Variants in MORC2 observed in about 807,000 individuals in gnomAD.
The protein encoded by MORC2 is ATPase MORC2.
In MORC2, 30 loss-of-function variants were observed where a neutral mutation model predicts 136.0. That is an observed-to-expected ratio of 0.22 (90% CI 0.17 to 0.30). The LOEUF (loss-of-function observed/expected upper bound fraction) is 0.30. Ranked by LOEUF, MORC2 falls within the 10% of genes least tolerant of loss-of-function variation. MORC2 has a pLI of 1.00. For synonymous variants in MORC2, 439 were observed against 487.0 expected (o/e 0.90, Z 1.30); for missense variants, 922 against 1,333.1 (o/e 0.69, Z 4.80).
In MORC2 at chr22:30,938,285, C is replaced by G. The variant is rs1375273949; in HGVS notation, c.1074-80G>C. 23 of 1,536,228 alleles carry G rather than the reference C, an allele frequency of 1.5e-5. No homozygotes were observed. In the East Asian group the frequency reaches 5.1e-4, roughly 34 times the overall value. On this transcript the variant is annotated intron_variant, in intron 12 of 25. Coordinates refer to ENST00000397641, the MANE Select transcript of MORC2 (RefSeq NM_001303256.3). ...GTGTTTAAGATGTGTTAAGCTTAAG[C>G]TTAAACTTGAAACATGTTAAGCCAA...
At chr22:30,961,750 A>G (rs1211753507) in intron 1 of MORC2, among the ~76,000 whole-genome samples, 1 of 152,204 alleles carries the variant, frequency 6.6e-6, no homozygotes, top group African/African-American at 2.4e-5. Flanking sequence ...ACTAATTTTG[A>G]CACCCTCTGC....
Position 30,941,159 on chromosome 22 carries a change from G to A in MORC2, c.824+274C>T, listed in dbSNP as rs527466697. ...AAAGGCCCCTTGGCCCTAAAGCCAAGAGACTCAGACAGCTCACTGAGCCAG... is the reference window on the plus strand; with the variant it reads ...AAAGGCCCCTTGGCCCTAAAGCCAAAAGACTCAGACAGCTCACTGAGCCAG... On this transcript the variant is annotated intron_variant, in intron 9 of 25. Coordinates refer to ENST00000397641, the MANE Select transcript of MORC2 (RefSeq NM_001303256.3). The surrounding 1 kb of genome is among the most constrained non-coding windows in gnomAD (Gnocchi z 4.6). Among the ~76,000 whole-genome samples the A allele has an allele frequency of 2.0e-5, 3 of 152,256 alleles. No individual in the cohort carries two copies. Among genetic ancestry groups the A allele is most frequent in the East Asian group, 3.9e-4 (2 of 5,168 alleles).
chr22:30,959,615 AG>A (rs2041014700), intron 1 of MORC2, among the ~76,000 whole-genome samples: 1 of 152,218 alleles, frequency 6.6e-6, no homozygotes, highest in East Asian at 1.9e-4. Context: ...ATATCAAATT[AG>A]GATGTGTCCA....
At position 30,934,919 on chromosome 22, in the gene MORC2, T is replaced by G; in HGVS notation, c.2055A>C (p.Ala685=). The change falls in exon 19 of 26, where the codon GCA becomes GCC. Residue 685 remains alanine, a synonymous_variant. Transcript: ENST00000397641. The surrounding 1 kb of genome is among the most constrained non-coding windows in gnomAD (Gnocchi z 4.4). ...GCTGCACCAGAGGGGCAGGTCGGGA[T>G]GCAGTCTTGACGAGAGTGTTGGCAG... The part of the protein sequence containing the change: ...RKPANTLVKT[A]SRPAPLVQQL... 2 of 1,614,130 alleles carry G rather than the reference T, an allele frequency of 1.2e-6. No individual in the cohort carries two copies. Among genetic ancestry groups the G allele is most frequent in the Non-Finnish European group, 1.7e-6 (2 of 1,180,026 alleles).
In MORC2 at chr22:30,960,271, A is replaced by G. The variant is rs550551331; in HGVS notation, c.69-1577T>C. On this transcript the variant is annotated intron_variant, in intron 1 of 25. Transcript: ENST00000397641. ...CCTGAGCCACCACACACGGCCTACA[A>G]ATGCAAATTTTGAATTAAACTATCA... Among the ~76,000 whole-genome samples, 16 of 152,298 alleles carry G rather than the reference A, an allele frequency of 1.1e-4. No homozygotes were observed. The South Asian group carries it at 2.7e-3, about 26-fold the overall frequency.
rs9619154 is a variant in MORC2 at position 30,927,797 on chromosome 22, G to A, written c.3030+222C>T. ...GGGTTCTCAAACCAGGTTGTACGTC[G>A]GAATGTCTAAAGGGAAAAAGCCTGG... On this transcript the variant is annotated intron_variant, in intron 25 of 25. Transcript: ENST00000397641. Among the ~76,000 whole-genome samples, 4,054 of 152,272 alleles carry A rather than the reference G, an allele frequency of 0.027. 175 individuals are homozygous for A. Among genetic ancestry groups the A allele is most frequent in the African/African-American group, 0.09 (3,745 of 41,530 alleles).
At chr22:30,950,987 T>G (rs1453164710) in intron 3 of MORC2, among the ~76,000 whole-genome samples, 1 of 152,212 alleles carries the variant, frequency 6.6e-6, no homozygotes, top group Non-Finnish European at 1.5e-5. Context: ...TGTCTATACA[T>G]GACCATCCCT....
rs2041153907 is a variant in MORC2, at chr22:30,967,933, T to C, written c.-44A>G. ...AGCCCTTCACCCGCTAACTGGGAAA[T>C]ATAACCTTATAATGATATCGATTTC... On this transcript the variant is annotated 5_prime_UTR_variant, in exon 1 of 26. The change creates a new upstream start codon in the 5' untranslated region. Coordinates refer to ENST00000397641, the MANE Select transcript of MORC2 (RefSeq NM_001303256.3). 3 of 1,409,760 alleles carry C rather than the reference T, an allele frequency of 2.1e-6. No individual in the cohort carries two copies. The highest frequency in any genetic ancestry group is 1.4e-5 in the African/African-American group (1 of 70,060). The allele number at this position is 1,409,760 out of a possible 1,614,324, so 87.3% of individuals were successfully genotyped here.
intron 5 of MORC2, among the ~76,000 whole-genome samples, chr22:30,946,737 G>A (rs534944374): frequency 1.3e-5 from 2 of 151,990 alleles, no homozygotes; most frequent in East Asian, 1.9e-4. Context: ...GCGGGCTCAC[G>A]GCAGACCACC....
intron 4 of MORC2, 68 bp downstream of exon 4, chr22:30,950,309 A>G (rs2040868921): frequency 2.7e-6 from 4 of 1,500,972 alleles, no homozygotes; most frequent in Admixed American, 1.7e-5. Flanking sequence ...AGTTCACACA[A>G]TAAGTATTTT....
chr22:30,939,166 A>C (rs950614311), intron 12 of MORC2, among the ~76,000 whole-genome samples: 1 of 152,212 alleles, frequency 6.6e-6, no homozygotes, highest in Admixed American at 6.5e-5. Flanking sequence ...TACAACACTC[A>C]ATCTCCAGCA....
chr22:30,948,038 A>G (rs1264056567), intron 5 of MORC2, among the ~76,000 whole-genome samples: 2 of 152,192 alleles, frequency 1.3e-5, no homozygotes, highest in Non-Finnish European at 2.9e-5. Context: ...CCACTGAAAT[A>G]CGCTAATAAC....
At chr22:30,963,282 T>C in intron 1 of MORC2, 1 of 981,434 alleles carries the variant, frequency 1.0e-6, no homozygotes, top group Non-Finnish European at 1.2e-6. Context: ...GGCCTAGAAA[T>C]TCTTTTCTTC....
chr22:30,960,148 G>A (rs1168319071), intron 1 of MORC2, among the ~76,000 whole-genome samples: 2 of 152,036 alleles, frequency 1.3e-5, no homozygotes, highest in Non-Finnish European at 2.9e-5. Context: ...TGTATTTTTA[G>A]TAGAGAGGAG....
At position 30,937,803 on chromosome 22, in the gene MORC2, C is replaced by T; in HGVS notation, c.1369+12G>A. ...GAGAAAAGGCAGAGGCCCAGCAGCC[C>T]AGCCCCATTACCGATGGCAATATCC... On this transcript the variant is annotated intron_variant, in intron 14 of 25. Transcript: ENST00000397641. The surrounding 1 kb of genome is among the most constrained non-coding windows in gnomAD (Gnocchi z 4.7). 1 of 1,614,118 alleles carries T rather than the reference C, an allele frequency of 6.2e-7. No individual in the cohort carries two copies. The highest frequency in any genetic ancestry group is 8.5e-7 in the Non-Finnish European group (1 of 1,180,016).
chr22:30,956,132 A>G (rs1320140101), intron 3 of MORC2, among the ~76,000 whole-genome samples: 1 of 152,212 alleles, frequency 6.6e-6, no homozygotes, highest in Admixed American at 6.5e-5. Flanking sequence ...TAATGAGTTA[A>G]TTAATTAAAA....
rs371529544 is a variant in MORC2, at chr22:30,937,079, C to T, written c.1499-42G>A. 19 of 1,425,324 alleles carry T rather than the reference C, an allele frequency of 1.3e-5. No homozygotes were observed. The highest frequency in any genetic ancestry group is 1.7e-5 in the Non-Finnish European group (17 of 1,011,096). 88.3% of individuals were successfully genotyped at this position (1,425,324 alleles called of 1,614,324 possible). ...AACCCCACATATCAGCCACGCCCAC[C>T]AACTCTATCTGTAATCCGGGTTCCT... On this transcript the variant is annotated intron_variant, in intron 15 of 25. Transcript: ENST00000397641. This position sits in a 1 kb window ranked among gnomAD's most constrained non-coding sequence, Gnocchi z 4.7.
chr22:30,949,619 C>T (rs2040861383), intron 5 of MORC2, 133 bp downstream of exon 5: 6 of 775,504 alleles, frequency 7.7e-6, no homozygotes, highest in South Asian at 1.7e-5. Context: ...GAAACCACCA[C>T]TTTCTGACTT....
intron 20 of MORC2, 63 bp downstream of exon 20, chr22:30,933,997 C>G (rs965913255): frequency 7.1e-5 from 113 of 1,601,116 alleles, no homozygotes; most frequent in Non-Finnish European, 8.8e-5. Flanking sequence ...GGGGTGCAGA[C>G]TGCTGGTGGG....
Sources: allele counts gnomAD v4.1 joint callset (sites outside exome capture counted in the v4.1 genomes callset), GRCh38; gene constraint gnomAD v4.1.1; non-coding constraint Gnocchi (gnomAD v3.1); transcripts MANE v1.5; gene names NCBI Gene and HGNC (gene_info 2026-07-23, HGNC 2026-07-21).